CCSER1: variants seen among roughly 807,000 people sequenced by gnomAD.
CCSER1 encodes serine-rich coiled-coil domain-containing protein 1.
CCSER1 carries 41 observed loss-of-function variants against 82.0 expected under a neutral mutation model. The observed-to-expected ratio is 0.50, with a 90% CI of 0.39 to 0.65. CCSER1 has a LOEUF of 0.65. CCSER1 is among the 30% of genes least tolerant of loss of function. The pLI is 0.00. For synonymous variants in CCSER1, 414 were observed against 383.9 expected, an observed-to-expected ratio of 1.08 and a Z score of -0.92; for missense variants, 1,119 against 1,064.2, an observed-to-expected ratio of 1.05 and a Z score of -0.72.
intron 10 of CCSER1, among the ~76,000 whole-genome samples, chr4:91,355,312 G>A (rs1273783203): frequency 3.3e-5 from 5 of 151,732 alleles, no homozygotes; most frequent in Non-Finnish European, 5.9e-5. Flanking sequence ...TACATTTTTG[G>A]GGGCCCCTCT....
At chr4:91,536,127 G>A (rs981144457) in intron 10 of CCSER1, among the ~76,000 whole-genome samples, 1 of 152,080 alleles carries the variant, frequency 6.6e-6, no homozygotes, top group Non-Finnish European at 1.5e-5. Flanking sequence ...AACTAGCAGA[G>A]GATGTTTAAG....
chr4:90,296,432 T>C (rs1446402570), intron 1 of CCSER1, among the ~76,000 whole-genome samples: 1 of 152,150 alleles, frequency 6.6e-6, no homozygotes, highest in African/African-American at 2.4e-5. Context: ...TTTTCTCCTA[T>C]TCTGTAGGTT....
chr4:90,204,268 TG>T (rs531325631), intron 1 of CCSER1, among the ~76,000 whole-genome samples: 226 of 151,880 alleles, frequency 1.5e-3, no homozygotes, highest in African/African-American at 5.3e-3. Context: ...TCTTTGCCCA[TG>T]CCTGTGTCCT....
chr4:90,376,122 TTAAG>T (rs1373678486), intron 3 of CCSER1, among the ~76,000 whole-genome samples: 2 of 152,134 alleles, frequency 1.3e-5, no homozygotes, highest in African/African-American at 4.8e-5. Flanking sequence ...CTTCAAGTGT[TTAAG>T]GAAAACATCA....
At chr4:91,439,869 G>A (rs1283464982) in intron 10 of CCSER1, among the ~76,000 whole-genome samples, 1 of 152,122 alleles carries the variant, frequency 6.6e-6, no homozygotes, top group Non-Finnish European at 1.5e-5. Context: ...AGACAAAGAA[G>A]GCCATTACAT....
chr4:91,526,477 T>TA (rs1182202478), intron 10 of CCSER1, among the ~76,000 whole-genome samples: 1 of 152,194 alleles, frequency 6.6e-6, no homozygotes, highest in African/African-American at 2.4e-5. Context: ...GGCTGTGTCA[T>TA]GGGCCATGAA....
chr4:90,930,167 C>T (rs1041870778), intron 9 of CCSER1, among the ~76,000 whole-genome samples: 3 of 152,120 alleles, frequency 2.0e-5, no homozygotes, highest in Non-Finnish European at 4.4e-5. Flanking sequence ...TGGAAAATTT[C>T]TCTCTGTCCA....
In CCSER1 at chr4:91,557,130, T is replaced by C. The variant is rs192027975; in HGVS notation, c.2218-41442T>C. On this transcript the variant is annotated intron_variant, in intron 10 of 10. Transcript: ENST00000509176. ...TCTTGACTCAGAGTGTACCACAGAA[T>C]GTATGGAGTGTACAACTCTTAAGAA... Among the ~76,000 whole-genome samples the C allele has an allele frequency of 8.8e-5, 13 of 148,012 alleles. No homozygotes were observed. In the East Asian group the frequency reaches 1.6e-3, roughly 18 times the overall value.
chr4:90,305,913 A>G (rs1325678059), intron 1 of CCSER1, among the ~76,000 whole-genome samples: 1 of 152,252 alleles, frequency 6.6e-6, no homozygotes, highest in African/African-American at 2.4e-5. Flanking sequence ...GATAGCCAAG[A>G]TATGTAACAA....
chr4:90,295,374 GTATT>G (rs1398789075), intron 1 of CCSER1, among the ~76,000 whole-genome samples: 1 of 151,898 alleles, frequency 6.6e-6, no homozygotes, highest in Non-Finnish European at 1.5e-5. Flanking sequence ...GAAAAATATT[GTATT>G]TATTTCTGGT....
chr4:90,598,687 G>A (rs534020489), intron 5 of CCSER1, among the ~76,000 whole-genome samples: 15 of 152,208 alleles, frequency 9.9e-5, no homozygotes, highest in Admixed American at 2.0e-4. Flanking sequence ...TGAATTTTAA[G>A]AGACACTCCA....
intron 1 of CCSER1, among the ~76,000 whole-genome samples, chr4:90,132,454 G>A (rs1722970035): frequency 6.6e-6 from 1 of 152,052 alleles, no homozygotes; most frequent in Admixed American, 6.6e-5. Flanking sequence ...AAAAAAGATG[G>A]GGAGATTGAG....
intron 7 of CCSER1, among the ~76,000 whole-genome samples, chr4:90,761,603 A>G (rs1750420794): frequency 6.6e-6 from 1 of 152,214 alleles, no homozygotes. Context: ...ATGGTAACAC[A>G]GCAATGCACT....
At chr4:90,231,129 A>G (rs1337745076) in intron 1 of CCSER1, among the ~76,000 whole-genome samples, 2 of 152,264 alleles carry the variant, frequency 1.3e-5, no homozygotes, top group South Asian at 2.1e-4. Flanking sequence ...TTATGAGGCC[A>G]GCATCATCCT....
At chr4:91,505,038 T>G (rs1759412159) in intron 10 of CCSER1, among the ~76,000 whole-genome samples, 2 of 152,176 alleles carry the variant, frequency 1.3e-5, no homozygotes, top group African/African-American at 4.8e-5. Flanking sequence ...TATCAACCCA[T>G]CACCTATGTA....
chr4:91,474,812 TACACACACAC>T (rs67642697), intron 10 of CCSER1, among the ~76,000 whole-genome samples: 2 of 66,102 alleles, frequency 3.0e-5, no homozygotes, highest in Admixed American at 3.7e-4. Flanking sequence ...TATATATATA[TACACACACAC>T]ACACACACAC....
chr4:90,660,022 A>T lies in CCSER1; in HGVS notation c.1932+31790A>T, dbSNP rs149188283. On this transcript the variant is annotated intron_variant, in intron 6 of 10. Coordinates refer to ENST00000509176, the MANE Select transcript of CCSER1 (RefSeq NM_001145065.2). ...TAGTCTTCAAAAGTAAAAAAAAAAA[A>T]CCTTAAATAGATGTTAATGAAGATT... 5.6e-3 allele frequency among the ~76,000 whole-genome samples: 845 copies of T among 151,900 alleles called. 10 individuals are homozygous for T. Among genetic ancestry groups the T allele is most frequent in the African/African-American group, 0.019 (801 of 41,460 alleles).
intron 3 of CCSER1, among the ~76,000 whole-genome samples, chr4:90,342,026 A>G (rs1450113693): frequency 6.6e-6 from 1 of 152,162 alleles, no homozygotes; most frequent in African/African-American, 2.4e-5. Context: ...GAAAATCTGG[A>G]TTATCTTTAC....
At chr4:90,176,920 A>G (rs1732799706) in intron 1 of CCSER1, among the ~76,000 whole-genome samples, 1 of 152,098 alleles carries the variant, frequency 6.6e-6, no homozygotes, top group Non-Finnish European at 1.5e-5. Context: ...CCCCTATTTC[A>G]CATTAGAACA....
Sources: gnomAD v4.1 joint callset for allele counts (sites outside exome capture counted in the v4.1 genomes callset) on GRCh38, gnomAD v4.1.1 for gene constraint, MANE v1.5 for transcripts, NCBI Gene and HGNC (gene_info 2026-07-23, HGNC 2026-07-21) for gene names.